NUDT3: variants seen among roughly 807,000 people sequenced by gnomAD.
NUDT3 encodes diphosphoinositol polyphosphate phosphohydrolase 1.
In NUDT3, 9 loss-of-function variants were observed where a neutral mutation model predicts 23.6. The ratio of observed to expected loss-of-function variants is 0.38; its 90% CI spans 0.23 to 0.66. The LOEUF is 0.66. NUDT3 is among the 30% of genes least tolerant of loss of function. The pLI is 0.52. For missense variants in NUDT3, 172 were observed against 218.5 expected (o/e 0.79, Z 1.34); for synonymous variants, 86 against 82.6 (o/e 1.04, Z -0.22).
chr6:34,322,584 G>C (rs1763962228), intron 2 of NUDT3, among the ~76,000 whole-genome samples: 1 of 152,118 alleles, frequency 6.6e-6, no homozygotes, highest in South Asian at 2.1e-4. Flanking sequence ...GGGAAGAATG[G>C]AAATACAGTT....
intron 2 of NUDT3, among the ~76,000 whole-genome samples, chr6:34,338,535 C>A (rs16888777): frequency 0.058 from 8,885 of 152,268 alleles, 661 homozygotes; most frequent in African/African-American, 0.18. Flanking sequence ...CAATTTGTGG[C>A]CCAGTGTTTT....
intron 1 of NUDT3, among the ~76,000 whole-genome samples, chr6:34,362,227 A>G (rs1764661563): frequency 6.6e-6 from 1 of 152,216 alleles, no homozygotes; most frequent in Non-Finnish European, 1.5e-5. Flanking sequence ...AGAGAGAAGG[A>G]AAGACAAAGG....
chr6:34,358,218 G>C (rs993361757), intron 1 of NUDT3, among the ~76,000 whole-genome samples: 1 of 149,708 alleles, frequency 6.7e-6, no homozygotes, highest in African/African-American at 2.5e-5. Context: ...TTCCTCCAAG[G>C]TTTCTTACCC....
intron 1 of NUDT3, among the ~76,000 whole-genome samples, chr6:34,351,624 C>A (rs1388106648): frequency 2.0e-5 from 3 of 148,450 alleles, no homozygotes; most frequent in Non-Finnish European, 4.5e-5. Flanking sequence ...CGCTTGTAAT[C>A]CCAGCTATCG....
chr6:34,334,281 A>G (rs933690992), intron 2 of NUDT3, among the ~76,000 whole-genome samples: 30 of 152,348 alleles, frequency 2.0e-4, no homozygotes, highest in Middle Eastern at 3.4e-3. Context: ...AGTGAGGTCA[A>G]TAATTGTAGC....
intron 1 of NUDT3, among the ~76,000 whole-genome samples, chr6:34,372,603 G>A (rs889766732): frequency 1.1e-4 from 16 of 152,040 alleles, no homozygotes; most frequent in African/African-American, 3.1e-4. Context: ...TCACGAGTTC[G>A]AGACTAGCCT....
intron 2 of NUDT3, among the ~76,000 whole-genome samples, chr6:34,303,077 A>G (rs555217139): frequency 5.3e-5 from 8 of 152,098 alleles, no homozygotes; most frequent in South Asian, 2.1e-4. Context: ...GTTTTTTCAG[A>G]TATTTTGGCA....
At chr6:34,312,274 C>G (rs1321890683) in intron 2 of NUDT3, among the ~76,000 whole-genome samples, 1 of 151,774 alleles carries the variant, frequency 6.6e-6, no homozygotes, top group Non-Finnish European at 1.5e-5. Context: ...TGGTGGTGCG[C>G]GCCTATAATT....
chr6:34,354,735 G>GTATATATATATATATATA (rs142735114), intron 1 of NUDT3, among the ~76,000 whole-genome samples: 1 of 120,694 alleles, frequency 8.3e-6, no homozygotes, highest in South Asian at 2.6e-4. Flanking sequence ...GGGGGAAAAA[G>GTATATATATATATATATA]TATATATATA....
At chr6:34,369,823 G>A (rs559413102) in intron 1 of NUDT3, among the ~76,000 whole-genome samples, 29 of 152,228 alleles carry the variant, frequency 1.9e-4, no homozygotes, top group Admixed American at 5.9e-4. Context: ...ATATTAGGCA[G>A]CTGGCTGGTA....
chr6:34,376,692 A>G (rs576816358), intron 1 of NUDT3, among the ~76,000 whole-genome samples: 12 of 152,148 alleles, frequency 7.9e-5, no homozygotes, highest in African/African-American at 2.7e-4. Flanking sequence ...AGAATAGAAC[A>G]TCATTCTCCC....
At chr6:34,371,196 T>G (rs1168598822) in intron 1 of NUDT3, among the ~76,000 whole-genome samples, 1 of 149,788 alleles carries the variant, frequency 6.7e-6, no homozygotes, top group Non-Finnish European at 1.5e-5. Flanking sequence ...TTGGGCCAGG[T>G]GCGGTAGCTC....
chr6:34,392,550 G>A lies in NUDT3; in HGVS notation c.-188C>T. 2 of 388,560 alleles carry A rather than the reference G, an allele frequency of 5.1e-6. No individual in the cohort carries two copies. Among genetic ancestry groups the A allele is most frequent in the South Asian group, 6.2e-5 (1 of 16,046 alleles). The allele number at this position is 388,560 out of a possible 1,614,324, so 24.1% of individuals were successfully genotyped here. ...TCATTCCCCCAGGCCCAGGTCCCGC[G>A]CCGCCGCTGCCACCGTCACGGCTGC... On this transcript the variant is annotated 5_prime_UTR_variant, in exon 1 of 5. Coordinates refer to ENST00000607016, the MANE Select transcript of NUDT3 (RefSeq NM_006703.4).
Position 34,354,686 on chromosome 6 carries a change from G to A in NUDT3, c.100-12714C>T, listed in dbSNP as rs1351465211. Among the ~76,000 whole-genome samples, 15 of 149,254 alleles carry A rather than the reference G, an allele frequency of 1.0e-4. No individual in the cohort carries two copies. The Admixed American group carries it at 1.0e-3, about 10-fold the overall frequency. On this transcript the variant is annotated intron_variant, in intron 1 of 4. Transcript: ENST00000607016. ...TGCAGTGAGCTGAGATGGCACCACTGCACTCCAGCCTGGGCGACAGAGCAA... is the reference window on the plus strand; with the variant it reads ...TGCAGTGAGCTGAGATGGCACCACTACACTCCAGCCTGGGCGACAGAGCAA...
At chr6:34,332,574 A>T (rs1764144414) in intron 2 of NUDT3, among the ~76,000 whole-genome samples, 1 of 152,246 alleles carries the variant, frequency 6.6e-6, no homozygotes, top group Non-Finnish European at 1.5e-5. Context: ...CTGTTGTTTA[A>T]GGGTCAACTG....
chr6:34,356,237 G>T (rs1448882604), intron 1 of NUDT3, among the ~76,000 whole-genome samples: 1 of 151,912 alleles, frequency 6.6e-6, no homozygotes, highest in African/African-American at 2.4e-5. Context: ...AATATCTTAC[G>T]TACCCACAAA....
At chr6:34,301,400 G>C (rs1763594814) in intron 2 of NUDT3, among the ~76,000 whole-genome samples, 1 of 152,210 alleles carries the variant, frequency 6.6e-6, no homozygotes, top group Admixed American at 6.5e-5. Context: ...CCTATATCTA[G>C]ACTTGCCTTG....
chr6:34,376,500 C>T (rs916405869), intron 1 of NUDT3, among the ~76,000 whole-genome samples: 1 of 152,140 alleles, frequency 6.6e-6, no homozygotes, highest in Non-Finnish European at 1.5e-5. Context: ...TGGTCTTGAA[C>T]TCCTGGCCTC....
intron 1 of NUDT3, among the ~76,000 whole-genome samples, chr6:34,392,030 G>C (rs1028793418): frequency 6.6e-6 from 1 of 152,184 alleles, no homozygotes; most frequent in African/African-American, 2.4e-5. Flanking sequence ...GCCACAAGCC[G>C]GCTACCCCCT....
Sources: allele counts gnomAD v4.1 joint callset (sites outside exome capture counted in the v4.1 genomes callset), GRCh38; gene constraint gnomAD v4.1.1; transcripts MANE v1.5; gene names NCBI Gene and HGNC (gene_info 2026-07-23, HGNC 2026-07-21).